CDH13: variants seen among roughly 807,000 people sequenced by gnomAD.
The protein encoded by CDH13 is cadherin 13, also known as cadherin-13.
Under a neutral mutation model 63.8 loss-of-function variants are expected in CDH13, and 24 were observed. That is an observed-to-expected ratio of 0.38 (90% CI 0.27 to 0.53). CDH13 has a LOEUF of 0.53. Among genes scored for constraint, CDH13 ranks in the 20% least tolerant of loss-of-function variants. CDH13 has a pLI of 0.85. For synonymous variants in CDH13, 503 were observed against 355.3 expected, an observed-to-expected ratio of 1.42 and a Z score of -4.67; for missense variants, 1,049 against 903.1, an observed-to-expected ratio of 1.16 and a Z score of -2.07.
intron 7 of CDH13, among the ~76,000 whole-genome samples, chr16:83,497,672 ATTAAAAATTATAAAAAGCATT>A (rs1430244964): frequency 1.3e-5 from 2 of 152,194 alleles, no homozygotes; most frequent in Non-Finnish European, 2.9e-5. Flanking sequence ...AAAAGTGACC[ATTAAAAATTATAAAAAGCATT>A]TTAAAGCTCA....
chr16:82,632,601 C>T (rs1908145796), intron 1 of CDH13, among the ~76,000 whole-genome samples: 1 of 152,108 alleles, frequency 6.6e-6, no homozygotes, highest in Admixed American at 6.5e-5. Flanking sequence ...GACTCTGAAA[C>T]CCTGGGATCA....
At chr16:82,669,798 G>T (rs369827800) in intron 1 of CDH13, among the ~76,000 whole-genome samples, 1 of 152,164 alleles carries the variant, frequency 6.6e-6, no homozygotes, top group African/African-American at 2.4e-5. Context: ...TACCCCAGCC[G>T]GGTTGGTAGG....
chr16:83,595,867 G>A (rs1907204009), intron 7 of CDH13, among the ~76,000 whole-genome samples: 1 of 152,192 alleles, frequency 6.6e-6, no homozygotes, highest in South Asian at 2.1e-4. Context: ...AACTCATTCA[G>A]GCTGGTTTTG....
At chr16:83,478,320 C>T (rs951369633) in intron 6 of CDH13, among the ~76,000 whole-genome samples, 3 of 152,186 alleles carry the variant, frequency 2.0e-5, no homozygotes, top group Non-Finnish European at 4.4e-5. Flanking sequence ...GAGCGCTTTA[C>T]TCATGTGAAG....
intron 6 of CDH13, among the ~76,000 whole-genome samples, chr16:83,466,586 T>A (rs1351335501): frequency 6.6e-6 from 1 of 152,192 alleles, no homozygotes; most frequent in African/African-American, 2.4e-5. Context: ...GCAACCTTCA[T>A]CAACCCAAAA....
intron 2 of CDH13, among the ~76,000 whole-genome samples, chr16:82,921,097 C>T (rs924504717): frequency 2.0e-5 from 3 of 152,034 alleles, no homozygotes; most frequent in African/African-American, 4.8e-5. Context: ...TGGTTATTTT[C>T]CTTGAGGTGT....
intron 8 of CDH13, among the ~76,000 whole-genome samples, chr16:83,647,888 G>T (rs1032438570): frequency 1.3e-5 from 2 of 152,246 alleles, no homozygotes; most frequent in Non-Finnish European, 2.9e-5. Flanking sequence ...TATGATCCCT[G>T]TTAAAATCCC....
chr16:83,613,432 T>C (rs1030244965), intron 8 of CDH13, among the ~76,000 whole-genome samples: 6 of 152,188 alleles, frequency 3.9e-5, no homozygotes, highest in African/African-American at 9.7e-5. Context: ...AACATACATA[T>C]ACACACACAC....
rs188091561 is a variant in CDH13 at position 82,859,876 on chromosome 16, G to A, written c.157+1403G>A. On this transcript the variant is annotated intron_variant, in intron 2 of 13. Coordinates refer to ENST00000567109, the MANE Select transcript of CDH13 (RefSeq NM_001257.5). ...AGGTGAAGCCCGTGCACCTCCCGATGAAATGACGCCAATGAAATCATTTCA... is the reference window on the plus strand; with the variant it reads ...AGGTGAAGCCCGTGCACCTCCCGATAAAATGACGCCAATGAAATCATTTCA... Among the ~76,000 whole-genome samples the A allele has an allele frequency of 2.6e-5, 4 of 152,326 alleles. No individual in the cohort carries two copies. In the East Asian group the frequency reaches 7.7e-4, roughly 29 times the overall value.
At chr16:82,852,368 C>T (rs923952464) in intron 1 of CDH13, among the ~76,000 whole-genome samples, 2 of 152,144 alleles carry the variant, frequency 1.3e-5, no homozygotes, top group Admixed American at 6.6e-5. Flanking sequence ...GCGGTTCTCC[C>T]GAGTAACTGT....
rs9929449 is a variant in CDH13, at chr16:82,912,265, G to A, written c.157+53792G>A. Among the ~76,000 whole-genome samples, 827 of 93,166 alleles carry A rather than the reference G, an allele frequency of 8.9e-3. 3 individuals are homozygous for A. The highest frequency in any genetic ancestry group is 0.03 in the African/African-American group (793 of 26,472). The allele number at this position is 93,166 out of a possible 152,430, so 61.1% of individuals were successfully genotyped here. A position where few individuals can be genotyped will look rare whatever the true frequency, so the allele number is the denominator to read the frequency against. On this transcript the variant is annotated intron_variant, in intron 2 of 13. Transcript: ENST00000567109. ...AACTATTTAGTGAATTCATCATGGCGGAGGGAGTGAGCACGAATGGACTCT... is the reference window on the plus strand; with the variant it reads ...AACTATTTAGTGAATTCATCATGGCAGAGGGAGTGAGCACGAATGGACTCT...
chr16:83,327,909 G>A (rs966175498), intron 5 of CDH13, among the ~76,000 whole-genome samples: 1 of 152,190 alleles, frequency 6.6e-6, no homozygotes, highest in Non-Finnish European at 1.5e-5. Flanking sequence ...GAAGCGGGTG[G>A]ATCACGAAGT....
chr16:82,996,701 C>T (rs1912239499), intron 2 of CDH13, among the ~76,000 whole-genome samples: 1 of 151,968 alleles, frequency 6.6e-6, no homozygotes, highest in African/African-American at 2.4e-5. Flanking sequence ...CTTAGAAAAT[C>T]ATAATGAGAG....
rs1175106844 is a variant in CDH13, at chr16:83,799,547, C to T, written c.*4517C>T. 1 of 152,124 alleles carries T rather than the reference C, an allele frequency of 6.6e-6. No individual in the cohort carries two copies. The highest frequency in any genetic ancestry group is 1.5e-5 in the Non-Finnish European group (1 of 68,022). 9.4% of individuals were successfully genotyped at this position (152,124 alleles called of 1,614,324 possible). A position where few individuals can be genotyped will look rare whatever the true frequency, so the allele number is the denominator to read the frequency against. On this transcript the variant is annotated 3_prime_UTR_variant, in exon 14 of 14. Transcript: ENST00000567109. The stretch of plus-strand genomic sequence containing the variant: ...TGTAGCTGCCTTAAACATGAGTCAA[C>T]AGGGTAAGTCACACCAACAGGAAAC...
chr16:83,694,777 G>T (rs1033060328), intron 10 of CDH13, among the ~76,000 whole-genome samples: 6 of 152,172 alleles, frequency 3.9e-5, no homozygotes, highest in Admixed American at 3.3e-4. Flanking sequence ...AAGGCACTCT[G>T]CCCCAATACC....
intron 1 of CDH13, among the ~76,000 whole-genome samples, chr16:82,689,811 G>C (rs1445418295): frequency 6.6e-6 from 1 of 151,660 alleles, no homozygotes; most frequent in East Asian, 1.9e-4. Flanking sequence ...TTCTGAAGAA[G>C]ATGTAATGCA....
chr16:83,147,798 G>A (rs1291774716), intron 4 of CDH13, among the ~76,000 whole-genome samples: 2 of 152,046 alleles, frequency 1.3e-5, no homozygotes, highest in African/African-American at 4.8e-5. Context: ...GTCACAGGGG[G>A]CAAAGACCTC....
Position 83,217,348 on chromosome 16 carries a change from G to T in CDH13, c.487G>T (p.Val163Phe). 1 of 1,613,902 alleles carries T rather than the reference G, an allele frequency of 6.2e-7. No individual in the cohort carries two copies. Among genetic ancestry groups the T allele is most frequent in the South Asian group, 1.1e-5 (1 of 91,070 alleles). Residue 163 changes from valine to phenylalanine, a missense_variant, in exon 5 of 14, where the codon GTC becomes TTC. Coordinates refer to ENST00000567109, the MANE Select transcript of CDH13 (RefSeq NM_001257.5). ...GTCTCTCTGTTTTTCTGACTAGGTAGTCGATAGTGACAGGCCAGAAAGGTC... is the reference window on the plus strand; with the variant it reads ...GTCTCTCTGTTTTTCTGACTAGGTATTCGATAGTGACAGGCCAGAAAGGTC... Reference protein sequence around the residue: ...QPFPRDVGKVVDSDRPERSKF... With the variant: ...QPFPRDVGKVFDSDRPERSKF...
At chr16:83,182,133 C>T (rs1294704846) in intron 4 of CDH13, among the ~76,000 whole-genome samples, 1 of 152,194 alleles carries the variant, frequency 6.6e-6, no homozygotes, top group East Asian at 1.9e-4. Flanking sequence ...GGTCCTTAAA[C>T]TGAGCAAGAG....
Sources: gnomAD v4.1 joint callset for allele counts (sites outside exome capture counted in the v4.1 genomes callset) on GRCh38, gnomAD v4.1.1 for gene constraint, MANE v1.5 for transcripts, NCBI Gene and HGNC (gene_info 2026-07-23, HGNC 2026-07-21) for gene names.